The following GRM8 variants were observed in gnomAD, a reference collection of about 807,000 sequenced individuals.
The protein encoded by GRM8 is metabotropic glutamate receptor 8.
A neutral mutation model predicts 87.2 loss-of-function variants in GRM8; 47 were observed. That is an observed-to-expected ratio of 0.54 (90% CI 0.43 to 0.69). The LOEUF is 0.69. Among genes scored for constraint, GRM8 ranks in the 30% least tolerant of loss-of-function variants. The pLI is 0.00. For synonymous variants in GRM8, 396 were observed against 404.5 expected, an observed-to-expected ratio of 0.98 and a Z score of 0.25; for missense variants, 1,019 against 1,139.2, an observed-to-expected ratio of 0.89 and a Z score of 1.52.
chr7:126,684,896 C>T (rs1367700081), intron 7 of GRM8, among the ~76,000 whole-genome samples: 5 of 152,196 alleles, frequency 3.3e-5, no homozygotes, highest in African/African-American at 1.2e-4. Flanking sequence ...CAGAGGCAAG[C>T]AATGCACTAG....
rs538102211 is a variant in GRM8 at position 126,720,258 on chromosome 7, C to T, written c.1357+49607G>A. 5.3e-5 allele frequency among the ~76,000 whole-genome samples: 8 copies of T among 151,618 alleles called. No individual in the cohort carries two copies. The South Asian group carries it at 1.0e-3, about 20-fold the overall frequency. On this transcript the variant is annotated intron_variant, in intron 7 of 10. Coordinates refer to ENST00000339582, the MANE Select transcript of GRM8 (RefSeq NM_000845.3). ...CTGGGCTCAAGTAATCCTCCTTCTT[C>T]GGCCTTCTGAGTAGCTGGGACTACA...
intron 2 of GRM8, among the ~76,000 whole-genome samples, chr7:127,190,135 C>T (rs1255498692): frequency 6.6e-6 from 1 of 152,146 alleles, no homozygotes; most frequent in Non-Finnish European, 1.5e-5. Flanking sequence ...CCCTGTTCCA[C>T]GTATCTCTCA....
chr7:127,223,947 C>T (rs1563591394), intron 2 of GRM8, among the ~76,000 whole-genome samples: 1 of 141,078 alleles, frequency 7.1e-6, no homozygotes, highest in African/African-American at 2.6e-5. Context: ...TGGATGGGTT[C>T]AATAGCAGAA....
At chr7:126,911,435 C>G (rs1249370700) in intron 3 of GRM8, among the ~76,000 whole-genome samples, 1 of 151,948 alleles carries the variant, frequency 6.6e-6, no homozygotes, top group Non-Finnish European at 1.5e-5. Flanking sequence ...GAATTTAACT[C>G]TTTAATAAAA....
At chr7:126,599,972 T>C (rs1250972204) in intron 8 of GRM8, among the ~76,000 whole-genome samples, 2 of 152,118 alleles carry the variant, frequency 1.3e-5, no homozygotes, top group Non-Finnish European at 2.9e-5. Flanking sequence ...GAATGGTGGA[T>C]GGACGAATGG....
intron 7 of GRM8, among the ~76,000 whole-genome samples, chr7:126,750,665 T>C (rs774933211): frequency 2.6e-5 from 4 of 152,134 alleles, no homozygotes; most frequent in Non-Finnish European, 5.9e-5. Context: ...TTAAAACGAC[T>C]CTTTTTTTGG....
intron 7 of GRM8, among the ~76,000 whole-genome samples, chr7:126,733,817 A>G (rs938013353): frequency 1.3e-5 from 2 of 151,992 alleles, no homozygotes; most frequent in African/African-American, 4.8e-5. Context: ...AAATTGCAGT[A>G]TTAGAGGATT....
chr7:126,619,540 T>A (rs573502001), intron 7 of GRM8, among the ~76,000 whole-genome samples: 1 of 136,948 alleles, frequency 7.3e-6, no homozygotes, highest in African/African-American at 2.5e-5. Context: ...AAAGAAATGC[T>A]ATTTACATTA....
At chr7:127,011,000 C>T (rs1351808005) in intron 3 of GRM8, among the ~76,000 whole-genome samples, 4 of 152,036 alleles carry the variant, frequency 2.6e-5, no homozygotes, top group African/African-American at 4.8e-5. Flanking sequence ...AGATTACCAT[C>T]TAGTTCATTA....
At chr7:126,563,415 A>T (rs1021082546) in intron 8 of GRM8, among the ~76,000 whole-genome samples, 2 of 152,130 alleles carry the variant, frequency 1.3e-5, no homozygotes, top group Non-Finnish European at 2.9e-5. Flanking sequence ...CTGGAAATCC[A>T]GGTAAATCCT....
chr7:127,177,400 T>G (rs1794173816), intron 2 of GRM8, among the ~76,000 whole-genome samples: 1 of 152,176 alleles, frequency 6.6e-6, no homozygotes, highest in Non-Finnish European at 1.5e-5. Flanking sequence ...CACTTGATGG[T>G]CCTTCCCTAT....
intron 2 of GRM8, among the ~76,000 whole-genome samples, chr7:127,190,543 TAAAAA>T (rs35809104): frequency 7.2e-6 from 1 of 138,700 alleles, no homozygotes; most frequent in Admixed American, 7.2e-5. Flanking sequence ...GACTCGGTCT[TAAAAA>T]AAAAAAAAAA....
chr7:126,764,494 T>C (rs1817976606), intron 7 of GRM8, among the ~76,000 whole-genome samples: 3 of 152,110 alleles, frequency 2.0e-5, no homozygotes. Context: ...CTTAAAGGTA[T>C]TTTATGCTAA....
chr7:126,813,148 CT>C (rs1171570549), intron 6 of GRM8, among the ~76,000 whole-genome samples: 3 of 152,060 alleles, frequency 2.0e-5, no homozygotes, highest in African/African-American at 7.2e-5. Flanking sequence ...GCATGTACCC[CT>C]GAACTTAAAA....
intron 7 of GRM8, among the ~76,000 whole-genome samples, chr7:126,650,936 G>A (rs1803779321): frequency 6.6e-6 from 1 of 152,094 alleles, no homozygotes; most frequent in South Asian, 2.1e-4. Context: ...AGCCACTGCT[G>A]AGTGCCCGAT....
intron 10 of GRM8, among the ~76,000 whole-genome samples, chr7:126,439,520 C>T (rs1669585451): frequency 6.6e-6 from 1 of 152,110 alleles, no homozygotes; most frequent in South Asian, 2.1e-4. Flanking sequence ...AAAAGCATAG[C>T]ACATACAATT....
At chr7:126,584,768 T>C (rs374257349) in intron 8 of GRM8, among the ~76,000 whole-genome samples, 3 of 152,094 alleles carry the variant, frequency 2.0e-5, no homozygotes, top group Non-Finnish European at 4.4e-5. Context: ...GTCTACCTAA[T>C]AGAATAAATT....
At chr7:126,609,583 T>TA in intron 7 of GRM8, 85 bp from the exon 8 acceptor site, 1 of 956,126 alleles carries the variant, frequency 1.0e-6, no homozygotes, top group Non-Finnish European at 1.6e-6. Flanking sequence ...GAATGGTAGA[T>TA]AAAAATATAT....
At chr7:126,820,879 T>C (rs1794233975) in intron 6 of GRM8, among the ~76,000 whole-genome samples, 1 of 152,204 alleles carries the variant, frequency 6.6e-6, no homozygotes, top group Non-Finnish European at 1.5e-5. Context: ...GGTGGGCGGA[T>C]CGCTTGAGGC....
Sources: allele counts gnomAD v4.1 joint callset (sites outside exome capture counted in the v4.1 genomes callset), GRCh38; gene constraint gnomAD v4.1.1; transcripts MANE v1.5; gene names NCBI Gene and HGNC (gene_info 2026-07-23, HGNC 2026-07-21).